GABRG2: variants seen among roughly 807,000 people sequenced by gnomAD.
The protein encoded by GABRG2 is gamma-aminobutyric acid receptor subunit gamma-2.
A neutral mutation model predicts 56.4 loss-of-function variants in GABRG2; 16 were observed. The observed-to-expected ratio is 0.28, with a 90% CI of 0.19 to 0.43. The LOEUF is 0.43. GABRG2 is among the 20% of genes least tolerant of loss of function. The pLI, the probability that GABRG2 is intolerant of heterozygous loss-of-function variation, is 1.00. For missense variants in GABRG2, 327 were observed against 582.7 expected, an observed-to-expected ratio of 0.56 and a Z score of 4.52; for synonymous variants, 208 against 205.5, an observed-to-expected ratio of 1.01 and a Z score of -0.10.
chr5:162,086,497 C>T (rs1760124733), intron 1 of GABRG2, among the ~76,000 whole-genome samples: 1 of 151,890 alleles, frequency 6.6e-6, no homozygotes, highest in Non-Finnish European at 1.5e-5. Context: ...TAACTCAATG[C>T]ATTATCAAAA....
intron 1 of GABRG2, among the ~76,000 whole-genome samples, chr5:162,079,336 A>G (rs1282234087): frequency 6.6e-6 from 1 of 152,186 alleles, no homozygotes; most frequent in Non-Finnish European, 1.5e-5. Context: ...GATATATACC[A>G]AGCAGATTCT....
chr5:162,097,603 GT>G (rs1173908677), intron 3 of GABRG2, 34 bp from the exon 4 acceptor site: 1 of 1,431,134 alleles, frequency 7.0e-7, no homozygotes, highest in Non-Finnish European at 9.8e-7. Flanking sequence ...ATCTTACTGT[GT>G]ACAAATTTTC....
chr5:162,116,002 G>A (rs1016492648), intron 6 of GABRG2, among the ~76,000 whole-genome samples: 1 of 151,896 alleles, frequency 6.6e-6, no homozygotes, highest in African/African-American at 2.4e-5. Flanking sequence ...GACAGAGAGG[G>A]TAAGAACCTT....
At chr5:162,086,539 G>A (rs770023404) in intron 1 of GABRG2, among the ~76,000 whole-genome samples, 2 of 151,974 alleles carry the variant, frequency 1.3e-5, no homozygotes, top group African/African-American at 2.4e-5. Context: ...ATTGCAAAAT[G>A]TGTCTGAAAA....
At position 162,153,809 on chromosome 5, in the gene GABRG2, T is replaced by A. The variant is rs188825588; in HGVS notation, c.*441T>A. The A allele has an allele frequency of 2.3e-3, 422 of 183,612 alleles. 8 individuals are homozygous for A. The highest frequency in any genetic ancestry group is 6.3e-4 in the Non-Finnish European group (54 of 86,218). 11.4% of individuals were successfully genotyped at this position (183,612 alleles called of 1,614,324 possible). ...GAATACCTCCCTCATTTAAGAAAAATCATAACTCACTTTAAATATGAAAGC... is the reference window on the plus strand; with the variant it reads ...GAATACCTCCCTCATTTAAGAAAAAACATAACTCACTTTAAATATGAAAGC... On this transcript the variant is annotated 3_prime_UTR_variant, in exon 10 of 10. Transcript: ENST00000639213.
chr5:162,084,172 G>A (rs1449135487), intron 1 of GABRG2, among the ~76,000 whole-genome samples: 1 of 151,732 alleles, frequency 6.6e-6, no homozygotes, highest in African/African-American at 2.4e-5. Context: ...AGTATAATTA[G>A]ATATGCTGAA....
intron 6 of GABRG2, 37 bp from the exon 7 acceptor site, chr5:162,142,127 T>TA: frequency 6.2e-7 from 1 of 1,609,092 alleles, no homozygotes; most frequent in Non-Finnish European, 8.5e-7. Context: ...CAGTGATTGA[T>TA]AAAGGGTTGT....
At chr5:162,100,047 A>T (rs1329747911) in intron 4 of GABRG2, 1 of 152,170 alleles carries the variant, frequency 6.6e-6, no homozygotes, top group African/African-American at 2.4e-5. Context: ...ATATAGTAAC[A>T]ATGATTAAAA....
chr5:162,096,864 G>A (rs2963169), intron 3 of GABRG2, among the ~76,000 whole-genome samples: 51,476 of 151,822 alleles, frequency 0.34, 9,651 homozygotes, highest in Non-Finnish European at 0.43. Context: ...GAGATTAACA[G>A]AGTATTATAA....
chr5:162,142,430 A>G lies in GABRG2; in HGVS notation c.922+114A>G, dbSNP rs565797148. 113 of 1,107,586 alleles carry G rather than the reference A, an allele frequency of 1.0e-4. 1 individual carries two copies. The African/African-American group carries it at 1.6e-3, about 16-fold the overall frequency. 68.6% of individuals were successfully genotyped at this position (1,107,586 alleles called of 1,614,324 possible). A position where few individuals can be genotyped will look rare whatever the true frequency, so the allele number is the denominator to read the frequency against. ...AAATTTAGCCTGCAATTGCATAGAA[A>G]TACCATTTGTTTCATATTCAAGAGA... On this transcript the variant is annotated intron_variant, in intron 7 of 9. Transcript: ENST00000639213.
At chr5:162,085,663 T>C (rs1334025559) in intron 1 of GABRG2, among the ~76,000 whole-genome samples, 1 of 151,666 alleles carries the variant, frequency 6.6e-6, no homozygotes. Flanking sequence ...TTGTACAGAT[T>C]ATTTCATCAC....
intron 6 of GABRG2, among the ~76,000 whole-genome samples, chr5:162,127,383 T>C (rs968851230): frequency 6.6e-6 from 1 of 151,982 alleles, no homozygotes; most frequent in South Asian, 2.1e-4. Context: ...GTTTGTTTTC[T>C]TCATCTAATC....
intron 6 of GABRG2, among the ~76,000 whole-genome samples, chr5:162,113,224 G>A (rs1180471650): frequency 1.3e-5 from 2 of 152,150 alleles, no homozygotes; most frequent in Non-Finnish European, 2.9e-5. Flanking sequence ...ACAAGCATGA[G>A]CCACCATGCC....
chr5:162,093,646 G>A lies in GABRG2; in HGVS notation c.108-182G>A, dbSNP rs146492172. On this transcript the variant is annotated intron_variant, in intron 1 of 9. Transcript: ENST00000639213. ...GCAAAGAATTCTGAAAACCTGAAGC[G>A]TACACTTGAATACAGTTAGTCTCCA... 8.4e-3 allele frequency among the ~76,000 whole-genome samples: 1,278 copies of A among 152,214 alleles called. 18 individuals carry two copies. Among genetic ancestry groups the A allele is most frequent in the African/African-American group, 0.03 (1,229 of 41,542 alleles).
At chr5:162,094,068 C>G in intron 2 of GABRG2, 89 bp downstream of exon 2, 1 of 1,404,420 alleles carries the variant, frequency 7.1e-7, no homozygotes, top group South Asian at 1.2e-5. Context: ...AGTTCAAGAG[C>G]AAGGAAGATT....
intron 6 of GABRG2, among the ~76,000 whole-genome samples, chr5:162,123,402 T>G (rs1419365816): frequency 6.6e-6 from 1 of 151,832 alleles, no homozygotes; most frequent in African/African-American, 2.4e-5. Flanking sequence ...TTTTGCATGA[T>G]GATGGTATTG....
intron 1 of GABRG2, among the ~76,000 whole-genome samples, chr5:162,092,649 A>G (rs1760690396): frequency 6.6e-6 from 1 of 152,174 alleles, no homozygotes. Context: ...CCGAGTATGA[A>G]TGAAGAAAGG....
In GABRG2 at chr5:162,155,399, GA is replaced by G. The variant is rs1319950980; in HGVS notation, c.*2033del. ...AATGTGTGCATAGTATTGGCAATAT[GA>G]ATATATATTATATATAATCTAATAC... On this transcript the variant is annotated 3_prime_UTR_variant, in exon 10 of 10. Transcript: ENST00000639213. 6.6e-5 allele frequency: 10 copies of G among 152,346 alleles called. No individual in the cohort carries two copies. The highest frequency in any genetic ancestry group is 1.3e-4 in the Admixed American group (2 of 15,198). 9.4% of individuals were successfully genotyped at this position (152,346 alleles called of 1,614,324 possible). A position where few individuals can be genotyped will look rare whatever the true frequency, so the allele number is the denominator to read the frequency against.
At chr5:162,132,864 A>G (rs1197113156) in intron 6 of GABRG2, among the ~76,000 whole-genome samples, 1 of 152,078 alleles carries the variant, frequency 6.6e-6, no homozygotes, top group Non-Finnish European at 1.5e-5. Context: ...TGTCACAACC[A>G]TACTCTATAC....
Sources: allele counts gnomAD v4.1 joint callset (sites outside exome capture counted in the v4.1 genomes callset), GRCh38; gene constraint gnomAD v4.1.1; transcripts MANE v1.5; gene names NCBI Gene and HGNC (gene_info 2026-07-23, HGNC 2026-07-21).